BAZ2B: variants seen among roughly 807,000 people sequenced by gnomAD.
The protein encoded by BAZ2B is bromodomain adjacent to zinc finger domain protein 2B.
A neutral mutation model predicts 246.0 loss-of-function variants in BAZ2B; 91 were observed. The observed-to-expected ratio is 0.37, with a 90% CI of 0.31 to 0.44. The LOEUF (loss-of-function observed/expected upper bound fraction) is 0.44. BAZ2B is among the 20% of genes least tolerant of loss of function. BAZ2B has a pLI of 1.00. For synonymous variants in BAZ2B, 855 were observed against 860.0 expected, an observed-to-expected ratio of 0.99 and a Z score of 0.10; for missense variants, 2,332 against 2,533.7, an observed-to-expected ratio of 0.92 and a Z score of 1.71.
At chr2:159,441,597 A>G (rs1460959612) in intron 6 of BAZ2B, among the ~76,000 whole-genome samples, 2 of 152,180 alleles carry the variant, frequency 1.3e-5, no homozygotes, top group Non-Finnish European at 2.9e-5. Context: ...ATTAGCTAGT[A>G]AGTCTCTTTT....
At chr2:159,672,950 T>C in the BAZ2B span, among the ~76,000 whole-genome samples, 2 of 152,128 alleles carry the variant, frequency 1.3e-5, no homozygotes, top group Non-Finnish European at 2.9e-5. Context: ...ACTTAGGTAT[T>C]GAGAAAGACT....
rs1332039820 is a variant in BAZ2B, at chr2:159,386,559, T to C, written c.3265A>G (p.Thr1089Ala). The C allele has an allele frequency of 2.5e-6, 4 of 1,613,258 alleles. No homozygotes were observed. The African/African-American group carries it at 4.0e-5, about 16-fold the overall frequency. Residue 1089 changes from threonine (T) to alanine (A), a missense_variant, in exon 22 of 37, where the codon ACA (threonine) becomes GCA (alanine). Physicochemically the swap from Thr to Ala is moderately conservative, Grantham distance 58. Transcript: ENST00000392783. ...RIPGLVLSGS[T>A]FSDCLMVVQF... ...ACCACCATGAGACAGTCTGAAAATG[T>C]ACTTCCAGAGAGAACAAGTCCTGGA...
In BAZ2B at chr2:159,432,781, C is replaced by G. The variant is rs376218807; in HGVS notation, c.1876G>C (p.Asp626His). The change falls in exon 9 of 37, where the codon GAT (aspartate) becomes CAT (histidine). Residue 626 changes from aspartate to histidine, a missense_variant. Asp to His is a moderately conservative substitution (Grantham distance 81). Around this residue, in one of 9 missense-constraint regions of BAZ2B, gnomAD observed 651 missense variants for 650.9 expected, o/e 1.00. Transcript: ENST00000392783. The stretch of plus-strand genomic sequence containing the variant: ...CCTGATTGGCTGTCATCAGATTCAT[C>G]ATCTTCATCATCTTCCTCATCTTCT... ...EEEDEEDDED[D>H]ESDDSQSESD... is the part of the protein sequence containing the mutation. 17 of 1,612,360 alleles carry G rather than the reference C, an allele frequency of 1.1e-5. No homozygotes were observed. In the African/African-American group the frequency reaches 1.2e-4, roughly 11 times the overall value.
At chr2:159,434,223 C>G (rs577021218) in intron 8 of BAZ2B, 1 of 149,354 alleles carries the variant, frequency 6.7e-6, no homozygotes, top group South Asian at 2.1e-4. Flanking sequence ...TGCAGTGGCG[C>G]GATCTCGGCT....
chr2:159,494,506 C>T (rs1416431040), intron 2 of BAZ2B, among the ~76,000 whole-genome samples: 1 of 152,120 alleles, frequency 6.6e-6, no homozygotes, highest in African/African-American at 2.4e-5. Flanking sequence ...ACTACTACTA[C>T]TACACTAGCA....
rs188854117 is a variant in BAZ2B, at chr2:159,377,308, T to C, written c.4006-2555A>G. On this transcript the variant is annotated intron_variant, in intron 25 of 36. Coordinates refer to ENST00000392783, the MANE Select transcript of BAZ2B (RefSeq NM_013450.4). ...TATCAATTTCATTAAGTAGTCAAAATTTTACTTACATAGGAAATTGATGTG... is the reference window on the plus strand; with the variant it reads ...TATCAATTTCATTAAGTAGTCAAAACTTTACTTACATAGGAAATTGATGTG... Among the ~76,000 whole-genome samples the C allele has an allele frequency of 2.0e-5, 3 of 152,304 alleles. No individual in the cohort carries two copies. The East Asian group carries it at 5.8e-4, about 29-fold the overall frequency.
At chr2:159,635,053 G>A in the BAZ2B span, among the ~76,000 whole-genome samples, 1 of 152,116 alleles carries the variant, frequency 6.6e-6, no homozygotes, top group African/African-American at 2.4e-5. Context: ...CTAAAGTCTA[G>A]GAATAGAAAG....
At chr2:159,610,149 G>A (rs1304716288) in intron 1 of BAZ2B, among the ~76,000 whole-genome samples, 4 of 151,810 alleles carry the variant, frequency 2.6e-5, no homozygotes, top group Non-Finnish European at 4.4e-5. Context: ...GATCTCATAG[G>A]AAAAAAAATC....
Position 159,448,420 on chromosome 2 carries a change from A to C in BAZ2B, c.335-11T>G. 1 of 1,529,558 alleles carries C rather than the reference A, an allele frequency of 6.5e-7. No homozygotes were observed. The highest frequency in any genetic ancestry group is 8.7e-7 in the Non-Finnish European group (1 of 1,143,946). 94.7% of individuals were successfully genotyped at this position (1,529,558 alleles called of 1,614,324 possible). A position where few individuals can be genotyped will look rare whatever the true frequency, so the allele number is the denominator to read the frequency against. On this transcript the variant is annotated splice_polypyrimidine_tract_variant and intron_variant, in intron 4 of 36. Coordinates refer to ENST00000392783, the MANE Select transcript of BAZ2B (RefSeq NM_013450.4). ...GCCACCATTCTGCACCTCAAAACCA[A>C]ACAAACCAACCAAACAAAAATATAT... is the stretch of plus-strand genomic sequence containing the variant.
At chr2:159,699,026 C>A in the BAZ2B span, among the ~76,000 whole-genome samples, 1 of 152,096 alleles carries the variant, frequency 6.6e-6, no homozygotes, top group Admixed American at 6.6e-5. Context: ...TTATTGAGTG[C>A]CTATAGCTTG....
chr2:159,478,834 T>C (rs1012603721), intron 2 of BAZ2B, 113 bp from the exon 3 acceptor site: 5 of 767,810 alleles, frequency 6.5e-6, no homozygotes, highest in Admixed American at 4.1e-5. Context: ...TCTAAATACA[T>C]GTTCTTTGGA....
At chr2:159,657,377 A>G in the BAZ2B span, among the ~76,000 whole-genome samples, 4 of 152,184 alleles carry the variant, frequency 2.6e-5, no homozygotes, top group Non-Finnish European at 4.4e-5. Flanking sequence ...GTAGCTTTAC[A>G]GTAAGCCATG....
At chr2:159,613,929 A>G (rs548083473) in intron 1 of BAZ2B, among the ~76,000 whole-genome samples, 1 of 152,312 alleles carries the variant, frequency 6.6e-6, no homozygotes, top group South Asian at 2.1e-4. Flanking sequence ...AACTTACCAT[A>G]TAGAACATAA....
the BAZ2B span, among the ~76,000 whole-genome samples, chr2:159,658,706 A>T: frequency 6.6e-6 from 1 of 152,100 alleles, no homozygotes; most frequent in African/African-American, 2.4e-5. Flanking sequence ...TTTAGTAGAG[A>T]TGGAGTTTTA....
At chr2:159,631,646 A>T in the BAZ2B span, among the ~76,000 whole-genome samples, 14 of 152,232 alleles carry the variant, frequency 9.2e-5, no homozygotes, top group Non-Finnish European at 1.9e-4. Flanking sequence ...AACAATTTGA[A>T]TGTTAACAAT....
intron 16 of BAZ2B, among the ~76,000 whole-genome samples, chr2:159,401,686 T>C (rs1422855000): frequency 6.6e-6 from 1 of 152,192 alleles, no homozygotes; most frequent in Non-Finnish European, 1.5e-5. Context: ...GAACTGGTTA[T>C]TGGATATGTT....
chr2:159,675,301 C>T, the BAZ2B span, among the ~76,000 whole-genome samples: 10 of 149,242 alleles, frequency 6.7e-5, no homozygotes, highest in Middle Eastern at 6.9e-3. Context: ...AAAAAAAAAA[C>T]GCACAACAGA....
the BAZ2B span, among the ~76,000 whole-genome samples, chr2:159,662,541 T>G: frequency 6.6e-6 from 1 of 152,198 alleles, no homozygotes; most frequent in East Asian, 1.9e-4. Flanking sequence ...TTTGTTTTGT[T>G]TTTGAGATGA....
chr2:159,482,851 T>C (rs2079392458), intron 2 of BAZ2B, among the ~76,000 whole-genome samples: 1 of 152,216 alleles, frequency 6.6e-6, no homozygotes, highest in South Asian at 2.1e-4. Flanking sequence ...TTTATTCATA[T>C]CTTTTTAGAA....
Sources: allele counts gnomAD v4.1 joint callset (sites outside exome capture counted in the v4.1 genomes callset), GRCh38; gene constraint gnomAD v4.1.1; regional missense constraint gnomAD v4.1.1; transcripts MANE v1.5; gene names NCBI Gene and HGNC (gene_info 2026-07-23, HGNC 2026-07-21).